The following CSNK1A1L variants were observed in gnomAD, a reference collection of about 807,000 sequenced individuals.
The protein encoded by CSNK1A1L is casein kinase 1 alpha 1 like.
In CSNK1A1L, 20 loss-of-function variants were observed where a neutral mutation model predicts 24.6. That is an observed-to-expected ratio of 0.81 (90% CI 0.57 to 1.18). The LOEUF is 1.18. Ranked by LOEUF, CSNK1A1L falls within the 50% of genes most tolerant of loss-of-function variation. The pLI is 0.00. For missense variants in CSNK1A1L, 414 were observed against 419.0 expected (o/e 0.99, Z 0.10); for synonymous variants, 152 against 154.0 (o/e 0.99, Z 0.09).
At chr13:37,105,161 A>T in the CSNK1A1L span, 1 of 1,614,114 alleles carries the variant, frequency 6.2e-7, no homozygotes, top group Non-Finnish European at 8.5e-7. Flanking sequence ...TGATGCCCAG[A>T]TAAACGTCTC....
In CSNK1A1L at chr13:37,105,503, G is replaced by T. The variant is rs139207040; in HGVS notation, c.-247C>A. ...GGGCCACCACCTCTTTCTCGGTGGCGGTCGCTGCCTCGCTGTCGTGGCGAT... is the reference window on the plus strand; with the variant it reads ...GGGCCACCACCTCTTTCTCGGTGGCTGTCGCTGCCTCGCTGTCGTGGCGAT... On this transcript the variant is annotated 5_prime_UTR_variant, in exon 1 of 1. Coordinates refer to ENST00000379800, the MANE Select transcript of CSNK1A1L (RefSeq NM_145203.6). 105 of 496,582 alleles carry T rather than the reference G, an allele frequency of 2.1e-4. 1 individual carries two copies. In the East Asian group the frequency reaches 3.4e-3, roughly 16 times the overall value. The allele number at this position is 496,582 out of a possible 1,614,324, so 30.8% of individuals were successfully genotyped here. A position where few individuals can be genotyped will look rare whatever the true frequency, so the allele number is the denominator to read the frequency against.
Position 37,105,549 on chromosome 13 carries a change from G to A in CSNK1A1L, c.-293C>T, listed in dbSNP as rs2070772984. 1 of 371,440 alleles carries A rather than the reference G, an allele frequency of 2.7e-6. No individual in the cohort carries two copies. The highest frequency in any genetic ancestry group is 4.9e-5 in the South Asian group (1 of 20,618). The allele number at this position is 371,440 out of a possible 1,614,324, so 23.0% of individuals were successfully genotyped here. A position where few individuals can be genotyped will look rare whatever the true frequency, so the allele number is the denominator to read the frequency against. ...GCGATGTCGTGGGCTGAGAAAGGGGGCACAGCGAGTTGGGGCAGCAGTACT... is the reference window on the plus strand; with the variant it reads ...GCGATGTCGTGGGCTGAGAAAGGGGACACAGCGAGTTGGGGCAGCAGTACT... On this transcript the variant is annotated 5_prime_UTR_variant, in exon 1 of 1. Coordinates refer to ENST00000379800, the MANE Select transcript of CSNK1A1L (RefSeq NM_145203.6).
rs748233566 is a variant in CSNK1A1L at position 37,104,476 on chromosome 13, T to G, written c.781A>C (p.Asn261His). Residue 261 changes from asparagine to histidine, a missense_variant, in exon 1 of 1, where the codon AAC (asparagine) becomes CAC (histidine). Asn to His is a moderately conservative substitution (Grantham distance 68). Coordinates refer to ENST00000379800, the MANE Select transcript of CSNK1A1L (RefSeq NM_145203.6). ...GFPAEFAMYLNYCRGLRFEEV... is the reference protein window; with the variant it reads ...GFPAEFAMYLHYCRGLRFEEV... ...TCAAAGCGCAGCCCACGACAGTAGT[T>G]CAAGTACATGGCGAATTCTGCAGGA... 3 of 1,614,230 alleles carry G rather than the reference T, an allele frequency of 1.9e-6. No homozygotes were observed. Among genetic ancestry groups the G allele is most frequent in the Admixed American group, 3.3e-5 (2 of 60,020 alleles).
Position 37,105,248 on chromosome 13 carries a change from G to A in CSNK1A1L, c.9C>T (p.Asn3=), listed in dbSNP as rs1283352019. MT[N]NSGSKAELVV... ...CGAGTTCGGCTTTGGAGCCGCTGTTGTTTGTCATCCTGAGAGGCAAAGATG... is the reference window on the plus strand; with the variant it reads ...CGAGTTCGGCTTTGGAGCCGCTGTTATTTGTCATCCTGAGAGGCAAAGATG... The change falls in exon 1 of 1, where the codon AAC becomes AAT. Residue 3 remains asparagine, a synonymous_variant. Transcript: ENST00000379800. 1 of 1,612,904 alleles carries A rather than the reference G, an allele frequency of 6.2e-7. No homozygotes were observed. The highest frequency in any genetic ancestry group is 1.7e-5 in the Admixed American group (1 of 59,974).
the CSNK1A1L span, chr13:37,104,900 CT>C: frequency 1.2e-6 from 2 of 1,614,106 alleles, no homozygotes; most frequent in African/African-American, 2.7e-5. Context: ...TGCTGATCAT[CT>C]GGTCGGCTAA....
In CSNK1A1L at chr13:37,104,411, G is replaced by A; in HGVS notation, c.846C>T (p.Arg282=). 6.2e-7 allele frequency: 1 copy of A among 1,614,168 alleles called. No homozygotes were observed. The highest frequency in any genetic ancestry group is 8.5e-7 in the Non-Finnish European group (1 of 1,180,036). Reference sequence around the variant, plus strand: ...GGTGGTTCAGGGTCCTGAAAAGAATGCGGAATAGCTGCCTCAGATACATGT... The same window carrying A: ...GGTGGTTCAGGGTCCTGAAAAGAATACGGAATAGCTGCCTCAGATACATGT... ...PDYMYLRQLF[R]ILFRTLNHQY... Residue 282 remains arginine (R), a synonymous_variant, in exon 1 of 1, where the codon CGC becomes CGT. Coordinates refer to ENST00000379800, the MANE Select transcript of CSNK1A1L (RefSeq NM_145203.6).
chr13:37,105,108 T>C lies in CSNK1A1L; in HGVS notation c.149A>G (p.Gln50Arg), dbSNP rs2070769460. The C allele has an allele frequency of 6.2e-7, 1 of 1,613,450 alleles. No individual in the cohort carries two copies. Among genetic ancestry groups the C allele is most frequent in the Non-Finnish European group, 8.5e-7 (1 of 1,179,350 alleles). The change falls in exon 1 of 1, where the codon CAG becomes CGG. Residue 50 changes from glutamine to arginine, a missense_variant. Physicochemically the swap from Gln to Arg is conservative, Grantham distance 43. Transcript: ENST00000379800. ...CAGCAACTGGGGGTGCTTGACCTTC[T>C]GAGATTCCAGCTTCACTGCTACGTC... ...GEDVAVKLES[Q>R]KVKHPQLLYE...
rs1303025538 is a variant in CSNK1A1L at position 37,104,614 on chromosome 13, T to C, written c.643A>G (p.Asn215Asp). 3.1e-6 allele frequency: 5 copies of C among 1,614,160 alleles called. No homozygotes were observed. Among genetic ancestry groups the C allele is most frequent in the Non-Finnish European group, 3.4e-6 (4 of 1,180,016 alleles). The change falls in exon 1 of 1, where the codon AAT becomes GAT. Residue 215 changes from asparagine (N) to aspartate (D), a missense_variant. Coordinates refer to ENST00000379800, the MANE Select transcript of CSNK1A1L (RefSeq NM_145203.6). Reference sequence around the variant, plus strand: ...CCTTGCCACGGCAGGCTGGTTCTATTAAAATACATGAAAACGTAGCCTAAG... The same window carrying C: ...CCTTGCCACGGCAGGCTGGTTCTATCAAAATACATGAAAACGTAGCCTAAG... ...ESLGYVFMYFNRTSLPWQGLR... is the reference protein window; with the variant it reads ...ESLGYVFMYFDRTSLPWQGLR...
At position 37,105,356 on chromosome 13, in the gene CSNK1A1L, T is replaced by G; in HGVS notation, c.-100A>C. On this transcript the variant is annotated 5_prime_UTR_variant, in exon 1 of 1. Transcript: ENST00000379800. ...GGCCCGCAAGGCTGAGGATGAGGGCTGCTGGAAATGGCCACCGAGGCGTTT... is the reference window on the plus strand; with the variant it reads ...GGCCCGCAAGGCTGAGGATGAGGGCGGCTGGAAATGGCCACCGAGGCGTTT... 7.5e-7 allele frequency: 1 copy of G among 1,330,564 alleles called. No homozygotes were observed. The highest frequency in any genetic ancestry group is 1.0e-6 in the Non-Finnish European group (1 of 964,142). 82.4% of individuals were successfully genotyped at this position (1,330,564 alleles called of 1,614,324 possible).
rs779726014 is a variant in CSNK1A1L, at chr13:37,105,077, C to G, written c.180G>C (p.Glu60Asp). Residue 60 changes from glutamate (E) to aspartate (D), a missense_variant, in exon 1 of 1, where the codon GAG becomes GAC. Physicochemically the swap from Glu to Asp is conservative, Grantham distance 45. Transcript: ENST00000379800. Reference protein sequence around the residue: ...QKVKHPQLLYESKLYTILQGG... With the variant: ...QKVKHPQLLYDSKLYTILQGG... Reference sequence around the variant, plus strand: ...CTTGAAGAATCGTGTAGAGTTTGCTCTCATACAGCAACTGGGGGTGCTTGA... The same window carrying G: ...CTTGAAGAATCGTGTAGAGTTTGCTGTCATACAGCAACTGGGGGTGCTTGA... 5.0e-6 allele frequency: 8 copies of G among 1,614,094 alleles called. No individual in the cohort carries two copies. Among genetic ancestry groups the G allele is most frequent in the Non-Finnish European group, 6.8e-6 (8 of 1,180,006 alleles).
Position 37,105,340 on chromosome 13 carries a change from G to A in CSNK1A1L, c.-84C>T. The stretch of plus-strand genomic sequence containing the variant: ...GCCTCCGGGGCCCACCGGCCCGCAA[G>A]GCTGAGGATGAGGGCTGCTGGAAAT... On this transcript the variant is annotated 5_prime_UTR_variant, in exon 1 of 1. Transcript: ENST00000379800. 1 of 1,458,012 alleles carries A rather than the reference G, an allele frequency of 6.9e-7. No individual in the cohort carries two copies. The highest frequency in any genetic ancestry group is 2.3e-5 in the East Asian group (1 of 43,998). 90.3% of individuals were successfully genotyped at this position (1,458,012 alleles called of 1,614,324 possible).
At position 37,105,054 on chromosome 13, in the gene CSNK1A1L, T is replaced by C. The variant is rs1445532621; in HGVS notation, c.203A>G (p.Gln68Arg). The C allele has an allele frequency of 1.2e-6, 2 of 1,614,032 alleles. No homozygotes were observed. Among genetic ancestry groups the C allele is most frequent in the Non-Finnish European group, 1.7e-6 (2 of 1,180,006 alleles). Residue 68 changes from glutamine (Q) to arginine (R), a missense_variant, in exon 1 of 1, where the codon CAA (glutamine) becomes CGA (arginine). Transcript: ENST00000379800. ...CATGTGGGGGATGCCAACCCCACCTTGAAGAATCGTGTAGAGTTTGCTCTC... is the reference window on the plus strand; with the variant it reads ...CATGTGGGGGATGCCAACCCCACCTCGAAGAATCGTGTAGAGTTTGCTCTC... ...LYESKLYTIL[Q>R]GGVGIPHMHW...
Position 37,105,295 on chromosome 13 carries a change from C to T in CSNK1A1L, c.-39G>A, listed in dbSNP as rs1420530202. On this transcript the variant is annotated 5_prime_UTR_variant, in exon 1 of 1. Coordinates refer to ENST00000379800, the MANE Select transcript of CSNK1A1L (RefSeq NM_145203.6). ...GATGGAGGCTGGGCTCAGCCCTGAC[C>T]CCTCTAGGGGAGGATGGAGGCCTCC... 2 of 1,592,988 alleles carry T rather than the reference C, an allele frequency of 1.3e-6. No individual in the cohort carries two copies. Among genetic ancestry groups the T allele is most frequent in the African/African-American group, 2.7e-5 (2 of 74,744 alleles).
chr13:37,103,763 T>C lies in CSNK1A1L; in HGVS notation c.*480A>G, dbSNP rs139164552. On this transcript the variant is annotated 3_prime_UTR_variant, in exon 1 of 1. Transcript: ENST00000379800. ...GACAAGAAGCCAACCATTTTAAGAA[T>C]GCTCTTTATGTGAACAATTTGCAAA... 890 of 167,838 alleles carry C rather than the reference T, an allele frequency of 5.3e-3. 9 individuals are homozygous for C. Among genetic ancestry groups the C allele is most frequent in the African/African-American group, 0.02 (834 of 41,718 alleles). The allele number at this position is 167,838 out of a possible 1,614,324, so 10.4% of individuals were successfully genotyped here.
Position 37,104,776 on chromosome 13 carries a change from C to A in CSNK1A1L, c.481G>T (p.Ala161Ser). Reference sequence around the variant, plus strand: ...GTCCTGTTGTCTCTGTACTTTTTGGCCAAACCAAAATCAATAAGGAACAAC... The same window carrying A: ...GTCCTGTTGTCTCTGTACTTTTTGGACAAACCAAAATCAATAAGGAACAAC... ...NKLFLIDFGL[A>S]KKYRDNRTRQ... is the part of the protein sequence containing the mutation. The change falls in exon 1 of 1, where the codon GCC becomes TCC. Residue 161 changes from alanine to serine, a missense_variant. Coordinates refer to ENST00000379800, the MANE Select transcript of CSNK1A1L (RefSeq NM_145203.6). The A allele has an allele frequency of 6.2e-7, 1 of 1,613,590 alleles. No individual in the cohort carries two copies. Among genetic ancestry groups the A allele is most frequent in the Non-Finnish European group, 8.5e-7 (1 of 1,179,950 alleles).
Position 37,105,029 on chromosome 13 carries a change from C to T in CSNK1A1L, c.228G>A (p.Met76Ile), listed in dbSNP as rs778411091. 2 of 1,614,118 alleles carry T rather than the reference C, an allele frequency of 1.2e-6. No homozygotes were observed. The highest frequency in any genetic ancestry group is 1.1e-5 in the South Asian group (1 of 91,078). ...TGTCTTTTTCCTGACCATACCAGTG[C>T]ATGTGGGGGATGCCAACCCCACCTT... is the stretch of plus-strand genomic sequence containing the variant. ...ILQGGVGIPH[M>I]HWYGQEKDNN... Residue 76 changes from methionine to isoleucine, a missense_variant, in exon 1 of 1, where the codon ATG (methionine) becomes ATA (isoleucine). By Grantham distance (10) the Met-to-Ile change is conservative. Coordinates refer to ENST00000379800, the MANE Select transcript of CSNK1A1L (RefSeq NM_145203.6).
Position 37,104,713 on chromosome 13 carries a change from T to C in CSNK1A1L, c.544A>G (p.Ile182Val), listed in dbSNP as rs757377122. 8.1e-6 allele frequency: 13 copies of C among 1,614,044 alleles called. No homozygotes were observed. Among genetic ancestry groups the C allele is most frequent in the Middle Eastern group, 1.6e-4 (1 of 6,062 alleles). ...HIPYREDKHL[I>V]GTVRYASINA... ...ATGCTGGCATATCGGACAGTGCCAA[T>C]GAGGTGTTTATCTTCTCTGTACGGT... The change falls in exon 1 of 1, where the codon ATT becomes GTT. Residue 182 changes from isoleucine to valine, a missense_variant. Coordinates refer to ENST00000379800, the MANE Select transcript of CSNK1A1L (RefSeq NM_145203.6).
Position 37,104,520 on chromosome 13 carries a change from T to G in CSNK1A1L, c.737A>C (p.Glu246Ala). The change falls in exon 1 of 1, where the codon GAA becomes GCA. Residue 246 changes from glutamate to alanine, a missense_variant. By Grantham distance (107) the Glu-to-Ala change is moderately radical. Coordinates refer to ENST00000379800, the MANE Select transcript of CSNK1A1L (RefSeq NM_145203.6). ...ISEKKMSTPVEVLCKGFPAEF... is the reference protein window; with the variant it reads ...ISEKKMSTPVAVLCKGFPAEF... Reference sequence around the variant, plus strand: ...TGCAGGAAACCCCTTACATAAAACTTCAACAGGGGTGGACATCTTCTTCTC... The same window carrying G: ...TGCAGGAAACCCCTTACATAAAACTGCAACAGGGGTGGACATCTTCTTCTC... 1 of 1,614,188 alleles carries G rather than the reference T, an allele frequency of 6.2e-7. No homozygotes were observed. The highest frequency in any genetic ancestry group is 1.3e-5 in the African/African-American group (1 of 75,040).
At position 37,105,365 on chromosome 13, in the gene CSNK1A1L, T is replaced by C; in HGVS notation, c.-109A>G. 8.0e-7 allele frequency: 1 copy of C among 1,249,430 alleles called. No homozygotes were observed. The highest frequency in any genetic ancestry group is 1.1e-6 in the Non-Finnish European group (1 of 892,176). The allele number at this position is 1,249,430 out of a possible 1,614,324, so 77.4% of individuals were successfully genotyped here. A position where few individuals can be genotyped will look rare whatever the true frequency, so the allele number is the denominator to read the frequency against. Reference sequence around the variant, plus strand: ...GGCTGAGGATGAGGGCTGCTGGAAATGGCCACCGAGGCGTTTCCCGGTGTT... The same window carrying C: ...GGCTGAGGATGAGGGCTGCTGGAAACGGCCACCGAGGCGTTTCCCGGTGTT... On this transcript the variant is annotated 5_prime_UTR_variant, in exon 1 of 1. Coordinates refer to ENST00000379800, the MANE Select transcript of CSNK1A1L (RefSeq NM_145203.6).
Sources: allele counts gnomAD v4.1 joint callset, GRCh38; gene constraint gnomAD v4.1.1; transcripts MANE v1.5; gene names NCBI Gene and HGNC (gene_info 2026-07-23, HGNC 2026-07-21).